Variants in DHX9 observed in about 807,000 individuals in gnomAD.
DHX9 encodes DExH-box helicase 9.
A neutral mutation model predicts 148.7 loss-of-function variants in DHX9; 27 were observed. The ratio of observed to expected loss-of-function variants is 0.18; its 90% confidence interval spans 0.13 to 0.25. The LOEUF (loss-of-function observed/expected upper bound fraction) is 0.25, where lower values mean the gene tolerates loss of function less well. Among genes scored for constraint, DHX9 ranks in the 10% least tolerant of loss-of-function variants. The pLI is 1.00. For synonymous variants in DHX9, 529 were observed against 516.6 expected (o/e 1.02, Z -0.33); for missense variants, 796 against 1,559.6 (o/e 0.51, Z 8.25).
chr1:182,871,810 T>C (rs1471766290), intron 14 of DHX9, among the ~76,000 whole-genome samples: 5 of 152,174 alleles, frequency 3.3e-5, no homozygotes, highest in South Asian at 4.1e-4. Flanking sequence ...TTTAAAAATA[T>C]AGTCGGCCGA....
intron 14 of DHX9, among the ~76,000 whole-genome samples, chr1:182,870,795 G>A (rs1417493644): frequency 5.9e-5 from 9 of 152,258 alleles, no homozygotes; most frequent in Non-Finnish European, 7.4e-5. Flanking sequence ...AATTTTTCTA[G>A]TAACACATTT....
intron 1 of DHX9, among the ~76,000 whole-genome samples, chr1:182,840,465 A>G (rs760898056): frequency 1.3e-5 from 2 of 151,846 alleles, no homozygotes; most frequent in African/African-American, 2.4e-5. Flanking sequence ...ACGCCCAGCT[A>G]ATTTTTGTAT....
rs767134898 is a variant in DHX9 at position 182,876,468 on chromosome 1, T to C, written c.2051T>C (p.Leu684Pro). The C allele has an allele frequency of 6.2e-7, 1 of 1,613,634 alleles. No homozygotes were observed. Among genetic ancestry groups the C allele is most frequent in the Admixed American group, 1.7e-5 (1 of 60,018 alleles). Reference protein sequence around the residue: ...PHFGSHRYQILPLHSQIPREE... With the variant: ...PHFGSHRYQIPPLHSQIPREE... ...ATAGGAAGCCATCGGTATCAGATTC[T>C]ACCCCTGCATTCTCAGATTCCTCGA... Residue 684 changes from leucine to proline, a missense_variant, in exon 18 of 28, where the codon CTA becomes CCA. Leu to Pro is a moderately conservative substitution (Grantham distance 98). Coordinates refer to ENST00000367549, the MANE Select transcript of DHX9 (RefSeq NM_001357.5).
intron 12 of DHX9, among the ~76,000 whole-genome samples, chr1:182,863,806 A>C (rs1395135018): frequency 6.9e-6 from 1 of 144,646 alleles, no homozygotes; most frequent in Non-Finnish European, 1.5e-5. Context: ...TTTTTTTTTT[A>C]CTGCTTTTGG....
At chr1:182,872,270 C>T (rs1247602101) in intron 14 of DHX9, 67 bp from the exon 15 acceptor site, 2 of 1,374,232 alleles carry the variant, frequency 1.5e-6, no homozygotes, top group African/African-American at 2.9e-5. Flanking sequence ...CTGTATAACT[C>T]TTTTAGGCAT....
intron 11 of DHX9, among the ~76,000 whole-genome samples, chr1:182,859,615 T>G (rs1370718351): frequency 2.6e-5 from 4 of 152,136 alleles, no homozygotes; most frequent in Admixed American, 1.3e-4. Flanking sequence ...TTGGTTTTTT[T>G]GTTTGTTTTT....
At chr1:182,885,350 A>G (rs1649274449) in intron 27 of DHX9, among the ~76,000 whole-genome samples, 1 of 152,110 alleles carries the variant, frequency 6.6e-6, no homozygotes, top group Admixed American at 6.6e-5. Flanking sequence ...GATACTTACC[A>G]AAAAGGCAAG....
In DHX9 at chr1:182,876,097, G is replaced by C. The variant is rs1293919241; in HGVS notation, c.1863G>C (p.Arg621Ser). 1.9e-6 allele frequency: 3 copies of C among 1,613,916 alleles called. No individual in the cohort carries two copies. Among genetic ancestry groups the C allele is most frequent in the Non-Finnish European group, 1.7e-6 (2 of 1,179,848 alleles). The change falls in exon 17 of 28, where the codon AGG (arginine) becomes AGC (serine). Residue 621 changes from arginine to serine, a missense_variant. Arg to Ser is a moderately radical substitution (Grantham distance 110). This residue lies in a region of DHX9 where 133 missense variants were observed against 223.8 expected (regional missense o/e 0.59). Transcript: ENST00000367549. ...GTGATGAATATGGTCCAGAAACAAGGTTGAGCATGTCTCAATTGAACGAAA... is the reference window on the plus strand; with the variant it reads ...GTGATGAATATGGTCCAGAAACAAGCTTGAGCATGTCTCAATTGAACGAAA... ...ICGDEYGPET[R>S]LSMSQLNEKE...
rs529076737 is a variant in DHX9, at chr1:182,869,325, T to C, written c.1557+2282T>C. On this transcript the variant is annotated intron_variant, in intron 14 of 27. Coordinates refer to ENST00000367549, the MANE Select transcript of DHX9 (RefSeq NM_001357.5). ...TCTGGTCCGGTCCTGACCAGTCTTA[T>C]CTGGTTCAGCCCGGTCTTGTCCAGT... 8.5e-5 allele frequency among the ~76,000 whole-genome samples: 13 copies of C among 152,244 alleles called. No individual in the cohort carries two copies. In the South Asian group the frequency reaches 1.0e-3, roughly 12 times the overall value.
At chr1:182,850,911 A>G (rs1187777319) in intron 3 of DHX9, among the ~76,000 whole-genome samples, 1 of 152,316 alleles carries the variant, frequency 6.6e-6, no homozygotes, top group Non-Finnish European at 1.5e-5. Context: ...ACTGGAAAAT[A>G]GAAGTTACAT....
At position 182,867,882 on chromosome 1, in the gene DHX9, A is replaced by G. The variant is rs1400108146; in HGVS notation, c.1557+839A>G. 5.3e-5 allele frequency among the ~76,000 whole-genome samples: 8 copies of G among 152,352 alleles called. 1 individual carries two copies. The South Asian group carries it at 1.7e-3, about 32-fold the overall frequency. The stretch of plus-strand genomic sequence containing the variant: ...TTGCTATGCAATTAAATGATATGAA[A>G]TGATATCCAAGCTAAGTAGTATAGT... On this transcript the variant is annotated intron_variant, in intron 14 of 27. Coordinates refer to ENST00000367549, the MANE Select transcript of DHX9 (RefSeq NM_001357.5).
chr1:182,872,307 T>C lies in DHX9; in HGVS notation c.1558-30T>C, dbSNP rs573288318. The C allele has an allele frequency of 5.0e-6, 8 of 1,586,286 alleles. No homozygotes were observed. The African/African-American group carries it at 1.1e-4, about 21-fold the overall frequency. On this transcript the variant is annotated intron_variant, in intron 14 of 27. Coordinates refer to ENST00000367549, the MANE Select transcript of DHX9 (RefSeq NM_001357.5). ...GCTTGTTATATAAACTTAATGTAAT[T>C]TCAAAAATTTTGTGTTTGTTTTTTA...
chr1:182,855,491 C>T, intron 6 of DHX9: 3 of 927,618 alleles, frequency 3.2e-6, no homozygotes, highest in Non-Finnish European at 3.9e-6. Context: ...TGTGTTCATA[C>T]ACACATGTGC....
chr1:182,879,462 C>T, intron 21 of DHX9, 52 bp downstream of exon 21: 5 of 1,358,814 alleles, frequency 3.7e-6, no homozygotes, highest in Non-Finnish European at 3.9e-6. Flanking sequence ...TACCATCTGT[C>T]TTGTTCTGGC....
intron 3 of DHX9, among the ~76,000 whole-genome samples, chr1:182,844,205 G>A (rs1022914712): frequency 1.4e-4 from 21 of 152,100 alleles, no homozygotes; most frequent in African/African-American, 5.1e-4. Flanking sequence ...ACCCACTTCC[G>A]TCTTCCAAAG....
At chr1:182,861,823 A>G (rs531800018) in intron 12 of DHX9, among the ~76,000 whole-genome samples, 1 of 152,326 alleles carries the variant, frequency 6.6e-6, no homozygotes, top group African/African-American at 2.4e-5. Flanking sequence ...TTGTCCCAAA[A>G]TCAGTCTCAT....
Position 182,881,534 on chromosome 1 carries a change from A to G in DHX9, c.2801A>G (p.Glu934Gly). The part of the protein sequence containing the change: ...AWDDARMGGE[E>G]AEIRFCEHKR... ...ATTTATTTTAGAATGGGTGGAGAAGAAGCAGAGATACGTTTTTGTGAGCAC... is the reference window on the plus strand; with the variant it reads ...ATTTATTTTAGAATGGGTGGAGAAGGAGCAGAGATACGTTTTTGTGAGCAC... Residue 934 changes from glutamate to glycine, a missense_variant, in exon 24 of 28, where the codon GAA (glutamate) becomes GGA (glycine). Transcript: ENST00000367549. The G allele has an allele frequency of 6.2e-7, 1 of 1,612,250 alleles. No individual in the cohort carries two copies. The highest frequency in any genetic ancestry group is 8.5e-7 in the Non-Finnish European group (1 of 1,179,494).
chr1:182,843,573 G>C (rs1198496235), intron 3 of DHX9, 139 bp downstream of exon 3: 1 of 894,064 alleles, frequency 1.1e-6, no homozygotes, highest in African/African-American at 1.8e-5. Flanking sequence ...ATCTTGTTTT[G>C]TCTCAGCACT....
chr1:182,843,457 TTGAG>T, intron 3 of DHX9, 23 bp downstream of exon 3: 1 of 1,552,658 alleles, frequency 6.4e-7, no homozygotes, highest in Non-Finnish European at 8.7e-7. Flanking sequence ...GGCGAAGCAC[TTGAG>T]ATGTATGTTG....
Sources: gnomAD v4.1 joint callset for allele counts (sites outside exome capture counted in the v4.1 genomes callset) on GRCh38, gnomAD v4.1.1 for gene constraint, gnomAD v4.1.1 regional missense constraint, MANE v1.5 for transcripts, NCBI Gene and HGNC (gene_info 2026-07-23, HGNC 2026-07-21) for gene names.